Variants in MAN1A2 observed in about 807,000 individuals in gnomAD.
The protein encoded by MAN1A2 is mannosidase alpha class 1A member 2, also known as mannosyl-oligosaccharide 1,2-alpha-mannosidase IB.
MAN1A2 carries 26 observed loss-of-function variants against 75.7 expected under a neutral mutation model. The observed-to-expected ratio is 0.34, with a 90% CI of 0.25 to 0.48. The LOEUF (loss-of-function observed/expected upper bound fraction) is 0.48, where lower values mean the gene tolerates loss of function less well. MAN1A2 is among the 20% of genes least tolerant of loss of function. The pLI is 0.99. For missense variants in MAN1A2, 562 were observed against 775.5 expected (o/e 0.72, Z 3.27); for synonymous variants, 247 against 264.6 (o/e 0.93, Z 0.65).
At chr1:117,447,510 A>C (rs1428406399) in intron 6 of MAN1A2, among the ~76,000 whole-genome samples, 2 of 152,012 alleles carry the variant, frequency 1.3e-5, no homozygotes, top group African/African-American at 4.8e-5. Context: ...AATTAAATAC[A>C]TTTTTTCTGT....
chr1:117,482,828 G>A (rs1236369014), intron 8 of MAN1A2, among the ~76,000 whole-genome samples: 2 of 152,078 alleles, frequency 1.3e-5, no homozygotes, highest in Non-Finnish European at 2.9e-5. Context: ...CCTATATCCT[G>A]AATGGTACTG....
intron 5 of MAN1A2, among the ~76,000 whole-genome samples, chr1:117,436,767 G>A (rs1475858518): frequency 2.0e-5 from 3 of 152,214 alleles, no homozygotes; most frequent in Non-Finnish European, 1.5e-5. Flanking sequence ...TGTGATTGGG[G>A]TGGAGGTGGG....
intron 4 of MAN1A2, among the ~76,000 whole-genome samples, chr1:117,416,122 A>AT (rs140783195): frequency 2.0e-5 from 3 of 151,840 alleles, no homozygotes; most frequent in Non-Finnish European, 4.4e-5. Context: ...ATGGAATTGA[A>AT]TTTTTTTTAA....
chr1:117,411,753 T>C (rs182570172), intron 3 of MAN1A2, among the ~76,000 whole-genome samples: 6 of 151,808 alleles, frequency 4.0e-5, no homozygotes, highest in African/African-American at 1.4e-4. Context: ...GCAGGGAAAG[T>C]AAAATTCACA....
At chr1:117,506,025 A>AT (rs1651350933) in intron 12 of MAN1A2, among the ~76,000 whole-genome samples, 1 of 151,594 alleles carries the variant, frequency 6.6e-6, no homozygotes, top group South Asian at 2.1e-4. Flanking sequence ...ATGGCATAAT[A>AT]TTAAAATACA....
At chr1:117,458,507 AT>A (rs1557959084) in intron 6 of MAN1A2, among the ~76,000 whole-genome samples, 1 of 111,608 alleles carries the variant, frequency 9.0e-6, no homozygotes, top group Non-Finnish European at 1.8e-5. Context: ...CTATATATAT[AT>A]ATAGATATAT....
chr1:117,492,546 A>G lies in MAN1A2; in HGVS notation c.1169-601A>G, dbSNP rs528021464. ...TGCAGTAGTCTGGAAACAAACTTGCAGTATCTCTGAGGTATGCCTGTGTGT... is the reference window on the plus strand; with the variant it reads ...TGCAGTAGTCTGGAAACAAACTTGCGGTATCTCTGAGGTATGCCTGTGTGT... On this transcript the variant is annotated intron_variant, in intron 8 of 12. Coordinates refer to ENST00000356554, the MANE Select transcript of MAN1A2 (RefSeq NM_006699.5). Among the ~76,000 whole-genome samples, 4 of 152,212 alleles carry G rather than the reference A, an allele frequency of 2.6e-5. No individual in the cohort carries two copies. The East Asian group carries it at 7.8e-4, about 30-fold the overall frequency.
chr1:117,498,958 G>A (rs1043102155), intron 10 of MAN1A2, among the ~76,000 whole-genome samples: 2 of 151,580 alleles, frequency 1.3e-5, no homozygotes, highest in African/African-American at 4.8e-5. Flanking sequence ...CCTTATATGT[G>A]TGTATTATGG....
intron 1 of MAN1A2, among the ~76,000 whole-genome samples, chr1:117,393,816 T>A (rs1372858839): frequency 6.6e-6 from 1 of 152,204 alleles, no homozygotes; most frequent in East Asian, 1.9e-4. Context: ...GAAGATGGTC[T>A]AGAAATCTTA....
intron 6 of MAN1A2, among the ~76,000 whole-genome samples, chr1:117,454,373 A>G (rs1298377510): frequency 5.3e-5 from 8 of 152,182 alleles, no homozygotes; most frequent in Non-Finnish European, 1.0e-4. Context: ...GAAAAGTTAA[A>G]CAGCCAGAGA....
intron 8 of MAN1A2, among the ~76,000 whole-genome samples, chr1:117,468,105 T>C (rs1383997728): frequency 6.6e-6 from 1 of 152,132 alleles, no homozygotes; most frequent in Non-Finnish European, 1.5e-5. Flanking sequence ...GGATAGAGGT[T>C]TAATTGACTC....
intron 6 of MAN1A2, among the ~76,000 whole-genome samples, chr1:117,447,289 C>T (rs1410360934): frequency 6.6e-6 from 1 of 152,060 alleles, no homozygotes; most frequent in Non-Finnish European, 1.5e-5. Flanking sequence ...TATATAATCT[C>T]ATTATTTTTA....
At chr1:117,386,776 A>T (rs758526033) in intron 1 of MAN1A2, among the ~76,000 whole-genome samples, 14 of 43,608 alleles carry the variant, frequency 3.2e-4, no homozygotes, top group South Asian at 1.2e-3. Flanking sequence ...AGAAAAAAAT[A>T]AAAAAATTAG....
chr1:117,506,076 G>C (rs2101885369), intron 12 of MAN1A2, among the ~76,000 whole-genome samples: 2 of 151,516 alleles, frequency 1.3e-5, no homozygotes, highest in Middle Eastern at 6.8e-3. Flanking sequence ...AATTAATGTA[G>C]CTGTAGTTTT....
chr1:117,440,815 A>C (rs1052497733), intron 5 of MAN1A2, among the ~76,000 whole-genome samples: 5 of 152,144 alleles, frequency 3.3e-5, no homozygotes, highest in Admixed American at 6.5e-5. Flanking sequence ...TAGTATTAAT[A>C]TTAGTTTCTA....
chr1:117,376,115 T>C (rs1653130309), intron 1 of MAN1A2, among the ~76,000 whole-genome samples: 1 of 152,120 alleles, frequency 6.6e-6, no homozygotes. Context: ...TTTCACCGCG[T>C]TAGCCAGGAT....
rs1349371198 is a variant in MAN1A2, at chr1:117,526,412, T to G, written c.*3455T>G. Reference sequence around the variant, plus strand: ...AATTAAAGAGGAAAAAGAAAAGGTTTATAATATATTTTAAAACAATGTGTT... The same window carrying G: ...AATTAAAGAGGAAAAAGAAAAGGTTGATAATATATTTTAAAACAATGTGTT... On this transcript the variant is annotated 3_prime_UTR_variant, in exon 13 of 13. Transcript: ENST00000356554. The G allele has an allele frequency of 6.6e-6, 1 of 151,754 alleles. No homozygotes were observed. Among genetic ancestry groups the G allele is most frequent in the Non-Finnish European group, 1.5e-5 (1 of 67,796 alleles). 9.4% of individuals were successfully genotyped at this position (151,754 alleles called of 1,614,324 possible). A position where few individuals can be genotyped will look rare whatever the true frequency, so the allele number is the denominator to read the frequency against.
chr1:117,459,902 C>A (rs1649760960), intron 6 of MAN1A2, among the ~76,000 whole-genome samples: 1 of 152,134 alleles, frequency 6.6e-6, no homozygotes, highest in Admixed American at 6.6e-5. Flanking sequence ...CTGTCCCGAT[C>A]ATTCACTACA....
At chr1:117,508,225 G>A (rs867295839) in intron 12 of MAN1A2, among the ~76,000 whole-genome samples, 3 of 151,684 alleles carry the variant, frequency 2.0e-5, no homozygotes, top group South Asian at 2.1e-4. Flanking sequence ...ACTGAGAAAA[G>A]TATACATTTT....
Sources: gnomAD v4.1 joint callset for allele counts (sites outside exome capture counted in the v4.1 genomes callset) on GRCh38, gnomAD v4.1.1 for gene constraint, MANE v1.5 for transcripts, NCBI Gene and HGNC (gene_info 2026-07-23, HGNC 2026-07-21) for gene names.